Variants in SLC25A48 observed in about 807,000 individuals in gnomAD.
The protein encoded by SLC25A48 is CTC-321K16.1.
In SLC25A48, 29 loss-of-function variants were observed where a neutral mutation model predicts 32.2. The observed-to-expected ratio is 0.90, with a 90% confidence interval of 0.67 to 1.23. The LOEUF (loss-of-function observed/expected upper bound fraction) is 1.23. SLC25A48 is among the 50% of genes most tolerant of loss of function. The pLI is 0.00. For missense variants in SLC25A48, 399 were observed against 422.7 expected, an observed-to-expected ratio of 0.94 and a Z score of 0.49; for synonymous variants, 164 against 172.3, an observed-to-expected ratio of 0.95 and a Z score of 0.38.
At chr5:135,672,890 T>C (rs934429881) in intron 3 of SLC25A48, among the ~76,000 whole-genome samples, 1 of 152,166 alleles carries the variant, frequency 6.6e-6, no homozygotes, top group African/African-American at 2.4e-5. Flanking sequence ...ATCTTTACCC[T>C]TATGCTCCAC....
intron 3 of SLC25A48, among the ~76,000 whole-genome samples, chr5:135,740,906 A>T (rs1755488323): frequency 6.6e-6 from 1 of 152,222 alleles, no homozygotes; most frequent in Non-Finnish European, 1.5e-5. Context: ...CCCCAGCCCA[A>T]GTATATTTTG....
At chr5:135,603,831 C>A (rs185523478) in intron 1 of SLC25A48, among the ~76,000 whole-genome samples, 2 of 151,600 alleles carry the variant, frequency 1.3e-5, no homozygotes, top group Non-Finnish European at 2.9e-5. Context: ...TGACCATGAT[C>A]GGGCACCCTC....
rs187856696 is a variant in SLC25A48, at chr5:135,801,044, C to T, written c.-520-11479C>T. Among the ~76,000 whole-genome samples the T allele has an allele frequency of 5.3e-5, 8 of 151,050 alleles. No homozygotes were observed. In the East Asian group the frequency reaches 9.9e-4, roughly 19 times the overall value. ...TGTGATATTTTTCATAATATCTAGGCGGGAAGAGGACGATATTACTCCCAA... is the reference window on the plus strand; with the variant it reads ...TGTGATATTTTTCATAATATCTAGGTGGGAAGAGGACGATATTACTCCCAA... On this transcript the variant is annotated intron_variant, in intron 3 of 10. Coordinates refer to the SLC25A48 transcript ENST00000646290.
intron 3 of SLC25A48, among the ~76,000 whole-genome samples, chr5:135,706,627 G>C (rs1228925110): frequency 6.6e-6 from 1 of 152,144 alleles, no homozygotes; most frequent in Non-Finnish European, 1.5e-5. Flanking sequence ...TGTGGTGTGC[G>C]CATGGAGAAA....
chr5:135,748,822 G>A (rs183504696), intron 3 of SLC25A48, among the ~76,000 whole-genome samples: 1 of 151,494 alleles, frequency 6.6e-6, no homozygotes, highest in African/African-American at 2.4e-5. Context: ...AGGTTCAAGC[G>A]ATTCCCCTGC....
intron 3 of SLC25A48, among the ~76,000 whole-genome samples, chr5:135,735,887 C>A (rs927304586): frequency 3.3e-5 from 5 of 152,198 alleles, no homozygotes; most frequent in African/African-American, 1.2e-4. Flanking sequence ...TGTACCCTGA[C>A]TGTGCCTTCA....
upstream of SLC25A48, among the ~76,000 whole-genome samples, chr5:135,832,851 G>A (rs7703565): frequency 0.2 from 30,961 of 152,218 alleles, 3,737 homozygotes; most frequent in East Asian, 0.43. Context: ...AGAAAATGGG[G>A]TTGCTTTCTG....
chr5:135,589,933 T>G (rs1347706515), intron 1 of SLC25A48, among the ~76,000 whole-genome samples: 1 of 152,194 alleles, frequency 6.6e-6, no homozygotes, highest in Non-Finnish European at 1.5e-5. Flanking sequence ...TGACCTCAGG[T>G]GATCCACCCA....
intron 3 of SLC25A48, among the ~76,000 whole-genome samples, chr5:135,752,466 C>T (rs975991667): frequency 1.1e-4 from 17 of 152,210 alleles, no homozygotes; most frequent in Non-Finnish European, 1.9e-4. Context: ...AGTATCACAA[C>T]GTGTCCACAC....
intron 3 of SLC25A48, among the ~76,000 whole-genome samples, chr5:135,734,821 CAA>C (rs1186711507): frequency 4.3e-5 from 5 of 116,774 alleles, no homozygotes; most frequent in Non-Finnish European, 5.2e-5. Context: ...CATCTCAAAA[CAA>C]AAAAAAAAAA....
Position 135,782,078 on chromosome 5 carries a change from C to T in SLC25A48, c.-520-30445C>T, listed in dbSNP as rs1756728769. On this transcript the variant is annotated intron_variant, in intron 3 of 10. Transcript: ENST00000646290. ...TTTCTGTGATACTGTTTTTAATACC[C>T]AGGGCAGAGATTAGGATACTAGACC... 1.7e-5 allele frequency among the ~76,000 whole-genome samples: 2 copies of T among 114,972 alleles called. 1 individual carries two copies. 75.4% of individuals were successfully genotyped at this position (114,972 alleles called of 152,430 possible). A position where few individuals can be genotyped will look rare whatever the true frequency, so the allele number is the denominator to read the frequency against.
chr5:135,815,872 C>T (rs1273102667), intron 4 of SLC25A48, among the ~76,000 whole-genome samples: 1 of 152,164 alleles, frequency 6.6e-6, no homozygotes, highest in Non-Finnish European at 1.5e-5. Context: ...TCACTCTTGT[C>T]CCAAGCAAAA....
chr5:135,648,010 T>C (rs145622624), intron 3 of SLC25A48, among the ~76,000 whole-genome samples: 1 of 152,214 alleles, frequency 6.6e-6, no homozygotes, highest in Non-Finnish European at 1.5e-5. Context: ...ACTAGACTCT[T>C]CCTCTCTGGG....
At chr5:135,811,458 C>G (rs1215068723) in intron 3 of SLC25A48, among the ~76,000 whole-genome samples, 1 of 152,096 alleles carries the variant, frequency 6.6e-6, no homozygotes, top group African/African-American at 2.4e-5. Flanking sequence ...TACAAAATTT[C>G]AGTTCGTCAG....
At chr5:135,702,398 G>A (rs764819044) in intron 3 of SLC25A48, among the ~76,000 whole-genome samples, 118 of 152,196 alleles carry the variant, frequency 7.8e-4, no homozygotes, top group Non-Finnish European at 1.3e-3. Context: ...GGATGGGAGT[G>A]ATGCGTCTAT....
chr5:135,651,985 A>G (rs1361992716), intron 3 of SLC25A48, among the ~76,000 whole-genome samples: 1 of 152,264 alleles, frequency 6.6e-6, no homozygotes, highest in Admixed American at 6.5e-5. Flanking sequence ...CCCAAAGGGC[A>G]TCATTACTGT....
At chr5:135,687,441 G>A (rs1313759711) in intron 3 of SLC25A48, among the ~76,000 whole-genome samples, 3 of 152,178 alleles carry the variant, frequency 2.0e-5, no homozygotes, top group Admixed American at 6.5e-5. Context: ...GTGTAACTGA[G>A]ATTTCTGTGT....
rs530066261 is a variant in SLC25A48 at position 135,616,721 on chromosome 5, G to A, written c.-848-12516G>A. On this transcript the variant is annotated intron_variant, in intron 1 of 10. Coordinates refer to the SLC25A48 transcript ENST00000646290. ...TCAAGACTTGGAGAACTGTTGAAAA[G>A]GGATTATTGTATTTTGCAATGTGAG... Among the ~76,000 whole-genome samples the A allele has an allele frequency of 1.8e-4, 27 of 152,290 alleles. 1 individual carries two copies. The highest frequency in any genetic ancestry group is 6.3e-4 in the African/African-American group (26 of 41,560).
chr5:135,781,014 A>AG lies in SLC25A48; in HGVS notation c.-520-31503dup, dbSNP rs1197152275. Reference sequence around the variant, plus strand: ...CCCCTATATATTGTTCCTAATATCCAGGGGGGAGATGATGATTCTACTTCC... The same window carrying AG: ...CCCCTATATATTGTTCCTAATATCCAGGGGGGGAGATGATGATTCTACTTCC... On this transcript the variant is annotated intron_variant, in intron 3 of 10. Coordinates refer to the SLC25A48 transcript ENST00000646290. Among the ~76,000 whole-genome samples the AG allele has an allele frequency of 1.7e-5, 2 of 116,290 alleles. 1 individual carries two copies. Among genetic ancestry groups the AG allele is most frequent in the Non-Finnish European group, 4.2e-5 (2 of 47,220 alleles). The allele number at this position is 116,290 out of a possible 152,430, so 76.3% of individuals were successfully genotyped here. A position where few individuals can be genotyped will look rare whatever the true frequency, so the allele number is the denominator to read the frequency against.
Sources: allele counts gnomAD v4.1 joint callset (sites outside exome capture counted in the v4.1 genomes callset), GRCh38; gene constraint gnomAD v4.1.1; transcripts MANE v1.5; gene names NCBI Gene and HGNC (gene_info 2026-07-23, HGNC 2026-07-21).